Variants in ANKS1B observed in about 807,000 individuals in gnomAD.
ANKS1B encodes ankyrin repeat and sterile alpha motif domain containing 1B.
A neutral mutation model predicts 148.3 loss-of-function variants in ANKS1B; 36 were observed. That is an observed-to-expected ratio of 0.24 (90% confidence interval 0.19 to 0.32). The LOEUF (loss-of-function observed/expected upper bound fraction) is 0.32, where lower values mean the gene tolerates loss of function less well. ANKS1B is among the 10% of genes least tolerant of loss of function. ANKS1B has a pLI of 1.00. For synonymous variants in ANKS1B, 542 were observed against 560.8 expected, an observed-to-expected ratio of 0.97 and a Z score of 0.47; for missense variants, 1,157 against 1,542.6, an observed-to-expected ratio of 0.75 and a Z score of 4.19.
intron 9 of ANKS1B, among the ~76,000 whole-genome samples, chr12:99,505,106 G>C (rs1329965960): frequency 1.3e-5 from 2 of 152,176 alleles, no homozygotes; most frequent in African/African-American, 2.4e-5. Flanking sequence ...GGCTCTTTCA[G>C]AGCCAAGGCC....
chr12:99,658,632 C>T (rs1450799342), intron 8 of ANKS1B, among the ~76,000 whole-genome samples: 1 of 152,108 alleles, frequency 6.6e-6, no homozygotes, highest in Non-Finnish European at 1.5e-5. Context: ...CTACCACTTC[C>T]AAGCTTTGTG....
intron 15 of ANKS1B, among the ~76,000 whole-genome samples, chr12:99,142,363 T>C (rs1464277744): frequency 6.6e-6 from 1 of 152,088 alleles, no homozygotes; most frequent in African/African-American, 2.4e-5. Flanking sequence ...GCTGATGGTA[T>C]TAAGGCCTGA....
chr12:99,648,504 G>A lies in ANKS1B; in HGVS notation c.1272+6563C>T, dbSNP rs765707994. 65 of 1,614,012 alleles carry A rather than the reference G, an allele frequency of 4.0e-5. 1 individual carries two copies. The highest frequency in any genetic ancestry group is 3.3e-4 in the South Asian group (30 of 91,072). On this transcript the variant is annotated intron_variant, in intron 9 of 26. Transcript: ENST00000683438. Reference sequence around the variant, plus strand: ...CTGCCACCCAGAAAAGAGAAAGTCCGCCTGCAGAGATCTTAGAACTAACCA... The same window carrying A: ...CTGCCACCCAGAAAAGAGAAAGTCCACCTGCAGAGATCTTAGAACTAACCA...
In ANKS1B at chr12:99,517,753, T is replaced by C. The variant is rs796235195; in HGVS notation, c.1273-13112A>G. Among the ~76,000 whole-genome samples the C allele has an allele frequency of 2.6e-5, 4 of 152,240 alleles. No individual in the cohort carries two copies. The East Asian group carries it at 5.8e-4, about 22-fold the overall frequency. ...GCTCTATCTAGGACTTCCAGTACTATGCTGACTAACGGTGGCAAAAGTGAT... is the reference window on the plus strand; with the variant it reads ...GCTCTATCTAGGACTTCCAGTACTACGCTGACTAACGGTGGCAAAAGTGAT... On this transcript the variant is annotated intron_variant, in intron 9 of 26. Transcript: ENST00000683438.
At position 98,744,185 on chromosome 12, in the gene ANKS1B, A is replaced by G. The variant is rs905071754; in HGVS notation, c.*1554T>C. ...CTCATTTTGCTACATACATATCAACAGTGAATAGGCAAAATATATACAAGG... is the reference window on the plus strand; with the variant it reads ...CTCATTTTGCTACATACATATCAACGGTGAATAGGCAAAATATATACAAGG... On this transcript the variant is annotated 3_prime_UTR_variant, in exon 27 of 27. Transcript: ENST00000683438. The G allele has an allele frequency of 1.0e-6, 1 of 980,954 alleles. No homozygotes were observed. Among genetic ancestry groups the G allele is most frequent in the Non-Finnish European group, 1.2e-6 (1 of 825,448 alleles). The allele number at this position is 980,954 out of a possible 1,614,324, so 60.8% of individuals were successfully genotyped here.
chr12:98,912,767 T>C (rs965441393), intron 17 of ANKS1B, among the ~76,000 whole-genome samples: 9 of 152,156 alleles, frequency 5.9e-5, no homozygotes, highest in African/African-American at 2.2e-4. Context: ...CCTGGGAGAA[T>C]CATGACAAAT....
At chr12:99,351,272 A>C (rs1036013476) in intron 12 of ANKS1B, among the ~76,000 whole-genome samples, 2 of 152,080 alleles carry the variant, frequency 1.3e-5, no homozygotes, top group Non-Finnish European at 2.9e-5. Context: ...ATCAACTCTC[A>C]GAGGCCAAGG....
At chr12:99,452,220 C>A (rs1567127479) in intron 10 of ANKS1B, among the ~76,000 whole-genome samples, 1 of 151,980 alleles carries the variant, frequency 6.6e-6, no homozygotes, top group African/African-American at 2.4e-5. Flanking sequence ...GAAAATTTTA[C>A]TTACAAAAAC....
chr12:99,398,374 T>C (rs1261428184), intron 12 of ANKS1B, among the ~76,000 whole-genome samples: 1 of 152,148 alleles, frequency 6.6e-6, no homozygotes, highest in African/African-American at 2.4e-5. Flanking sequence ...TATATACACA[T>C]ACACTCACTG....
chr12:99,587,080 A>C (rs2097650073), intron 9 of ANKS1B, among the ~76,000 whole-genome samples: 1 of 152,208 alleles, frequency 6.6e-6, no homozygotes, highest in Non-Finnish European at 1.5e-5. Context: ...AGCTAGGAAC[A>C]GGAAAACAAA....
intron 8 of ANKS1B, among the ~76,000 whole-genome samples, chr12:99,715,264 CTGA>C (rs1285577840): frequency 6.6e-6 from 1 of 152,194 alleles, no homozygotes; most frequent in Non-Finnish European, 1.5e-5. Flanking sequence ...CCTGCCTTAA[CTGA>C]TGACATTCCA....
At chr12:99,904,252 C>T (rs1183236843) in intron 1 of ANKS1B, among the ~76,000 whole-genome samples, 1 of 150,882 alleles carries the variant, frequency 6.6e-6, no homozygotes, top group Non-Finnish European at 1.5e-5. Flanking sequence ...AGTGCAATGG[C>T]ATGATCTCAG....
intron 9 of ANKS1B, among the ~76,000 whole-genome samples, chr12:99,617,299 C>A (rs2097978439): frequency 6.6e-6 from 1 of 152,018 alleles, no homozygotes; most frequent in Non-Finnish European, 1.5e-5. Context: ...CAGGCATATA[C>A]CTAAAGTATT....
At chr12:99,504,092 G>A (rs2096682927) in intron 10 of ANKS1B, among the ~76,000 whole-genome samples, 1 of 152,094 alleles carries the variant, frequency 6.6e-6, no homozygotes, top group Admixed American at 6.6e-5. Flanking sequence ...AATATATAAA[G>A]CAGCTAAGTA....
chr12:99,417,390 G>A (rs1401185782), intron 11 of ANKS1B, among the ~76,000 whole-genome samples: 1 of 152,092 alleles, frequency 6.6e-6, no homozygotes, highest in Non-Finnish European at 1.5e-5. Flanking sequence ...TCTCTCTTCT[G>A]TCCTATTGAT....
intron 10 of ANKS1B, among the ~76,000 whole-genome samples, chr12:99,482,864 C>A (rs746368928): frequency 6.6e-5 from 10 of 151,948 alleles, no homozygotes; most frequent in Admixed American, 1.3e-4. Context: ...GATTTTGTAA[C>A]CTGAGAATTT....
chr12:99,436,654 T>C (rs2095465659), intron 11 of ANKS1B, among the ~76,000 whole-genome samples: 1 of 152,016 alleles, frequency 6.6e-6, no homozygotes, highest in Non-Finnish European at 1.5e-5. Flanking sequence ...TTCTAAACTG[T>C]TAATAATGGC....
chr12:99,810,893 T>C lies in ANKS1B; in HGVS notation c.372+1262A>G, dbSNP rs561547910. Among the ~76,000 whole-genome samples, 16 of 152,072 alleles carry C rather than the reference T, an allele frequency of 1.1e-4. No homozygotes were observed. In the East Asian group the frequency reaches 2.7e-3, roughly 26 times the overall value. On this transcript the variant is annotated intron_variant, in intron 3 of 26. Transcript: ENST00000683438. ...GACAATTTTAAGAATAACCACCAGATGGCTCATCTCATAAATGATCTAACT... is the reference window on the plus strand; with the variant it reads ...GACAATTTTAAGAATAACCACCAGACGGCTCATCTCATAAATGATCTAACT...
intron 10 of ANKS1B, among the ~76,000 whole-genome samples, chr12:99,494,372 T>C (rs11109867): frequency 6.6e-6 from 1 of 152,090 alleles, no homozygotes; most frequent in Non-Finnish European, 1.5e-5. Context: ...TTTCATTTAT[T>C]GTTTAGTTGT....
Sources: gnomAD v4.1 joint callset for allele counts (sites outside exome capture counted in the v4.1 genomes callset) on GRCh38, gnomAD v4.1.1 for gene constraint, MANE v1.5 for transcripts, NCBI Gene and HGNC (gene_info 2026-07-23, HGNC 2026-07-21) for gene names.